Variants in IGF1R observed in about 807,000 individuals in gnomAD.
IGF1R encodes insulin-like growth factor 1 receptor.
A neutral mutation model predicts 144.6 loss-of-function variants in IGF1R; 44 were observed. That is an observed-to-expected ratio of 0.30 (90% CI 0.24 to 0.39). The LOEUF (loss-of-function observed/expected upper bound fraction) is 0.39. IGF1R is among the 10% of genes least tolerant of loss of function. The probability of loss-of-function intolerance (pLI) is 1.00; values close to 1 mark genes in which losing one functional copy is unlikely to be tolerated. For synonymous variants in IGF1R, 795 were observed against 722.8 expected (o/e 1.10, Z -1.60); for missense variants, 1,355 against 1,833.7 (o/e 0.74, Z 4.77).
chr15:98,741,858 C>T (rs1467282329), intron 2 of IGF1R, among the ~76,000 whole-genome samples: 1 of 152,190 alleles, frequency 6.6e-6, no homozygotes, highest in Non-Finnish European at 1.5e-5. Flanking sequence ...AGTAATAAAA[C>T]TGTAGGCAGT....
At chr15:98,927,977 C>G (rs1383635365) in intron 13 of IGF1R, among the ~76,000 whole-genome samples, 1 of 152,204 alleles carries the variant, frequency 6.6e-6, no homozygotes, top group Non-Finnish European at 1.5e-5. Flanking sequence ...GGCCTCTTCT[C>G]TCCTTTGCTC....
chr15:98,913,384 T>G, intron 8 of IGF1R, 102 bp downstream of exon 8: 1 of 909,590 alleles, frequency 1.1e-6, no homozygotes, highest in Admixed American at 1.7e-5. Flanking sequence ...GAGCTATGCC[T>G]GTTGTCTTTC....
chr15:98,684,297 A>G (rs1244000615), intron 1 of IGF1R, among the ~76,000 whole-genome samples: 3 of 147,078 alleles, frequency 2.0e-5, no homozygotes, highest in Non-Finnish European at 4.5e-5. Context: ...AGCTGGAAAA[A>G]TGTTTTATTG....
At chr15:98,803,210 G>GTA (rs1328932570) in intron 2 of IGF1R, among the ~76,000 whole-genome samples, 2 of 152,280 alleles carry the variant, frequency 1.3e-5, no homozygotes, top group African/African-American at 2.4e-5. Context: ...AGGGTCCATG[G>GTA]TATAGCCTGT....
At chr15:98,923,849 A>T in intron 11 of IGF1R, 27 bp from the exon 12 acceptor site, 1 of 1,611,514 alleles carries the variant, frequency 6.2e-7, no homozygotes, top group Non-Finnish European at 8.5e-7. Flanking sequence ...CCCAAATCCA[A>T]CTTTGTCACC....
chr15:98,799,292 C>G (rs1260260917), intron 2 of IGF1R, among the ~76,000 whole-genome samples: 1 of 151,760 alleles, frequency 6.6e-6, no homozygotes, highest in East Asian at 1.9e-4. Flanking sequence ...TCATAGAAAA[C>G]CCACAGAGAA....
intron 1 of IGF1R, among the ~76,000 whole-genome samples, chr15:98,694,177 A>C (rs1415530529): frequency 6.6e-6 from 1 of 152,152 alleles, no homozygotes; most frequent in African/African-American, 2.4e-5. Context: ...TACATGATGT[A>C]ACATGCTGCT....
At chr15:98,794,508 A>G (rs1021971193) in intron 2 of IGF1R, among the ~76,000 whole-genome samples, 1 of 152,206 alleles carries the variant, frequency 6.6e-6, no homozygotes, top group Non-Finnish European at 1.5e-5. Flanking sequence ...ATGATTCTCC[A>G]GGATGGCCCC....
At chr15:98,719,430 C>T (rs28735814) in intron 2 of IGF1R, among the ~76,000 whole-genome samples, 6,187 of 152,208 alleles carry the variant, frequency 0.041, 430 homozygotes, top group African/African-American at 0.14. Flanking sequence ...AAGAATGCTT[C>T]TTTAGCTCAC....
intron 2 of IGF1R, among the ~76,000 whole-genome samples, chr15:98,818,401 G>A (rs1033648898): frequency 1.3e-5 from 2 of 152,196 alleles, no homozygotes; most frequent in East Asian, 1.9e-4. Flanking sequence ...TTCTACAACA[G>A]TCAGTCTAGC....
intron 1 of IGF1R, among the ~76,000 whole-genome samples, chr15:98,657,262 G>T (rs908228846): frequency 9.2e-5 from 14 of 152,202 alleles, no homozygotes; most frequent in Admixed American, 8.5e-4. Context: ...CAAATTCAAA[G>T]CGTCTTAGTG....
chr15:98,821,951 G>A (rs2056810943), intron 2 of IGF1R, among the ~76,000 whole-genome samples: 1 of 152,090 alleles, frequency 6.6e-6, no homozygotes, highest in African/African-American at 2.4e-5. Context: ...CCTTCCACAG[G>A]TACTTATACC....
At chr15:98,805,471 T>C (rs570867827) in intron 2 of IGF1R, among the ~76,000 whole-genome samples, 1 of 152,202 alleles carries the variant, frequency 6.6e-6, no homozygotes, top group South Asian at 2.1e-4. Flanking sequence ...CTTTCATAAT[T>C]GTCTGTTCCA....
intron 2 of IGF1R, among the ~76,000 whole-genome samples, chr15:98,710,173 TGTTG>T (rs2053959727): frequency 6.6e-6 from 1 of 152,182 alleles, no homozygotes; most frequent in African/African-American, 2.4e-5. Flanking sequence ...TGATATCACC[TGTTG>T]GTTGGTCACC....
In IGF1R at chr15:98,963,660, C is replaced by T. The variant is rs1388168604; in HGVS notation, c.*6218C>T. 3.9e-5 allele frequency: 9 copies of T among 233,136 alleles called. No homozygotes were observed. Among genetic ancestry groups the T allele is most frequent in the East Asian group, 1.2e-4 (2 of 16,602 alleles). The allele number at this position is 233,136 out of a possible 1,614,324, so 14.4% of individuals were successfully genotyped here. A position where few individuals can be genotyped will look rare whatever the true frequency, so the allele number is the denominator to read the frequency against. Reference sequence around the variant, plus strand: ...ACAGCATACACAGTGATCACATAAACGATGACAGCTATGGGGCACACAGGC... The same window carrying T: ...ACAGCATACACAGTGATCACATAAATGATGACAGCTATGGGGCACACAGGC... On this transcript the variant is annotated 3_prime_UTR_variant, in exon 21 of 21. Transcript: ENST00000650285.
intron 2 of IGF1R, among the ~76,000 whole-genome samples, chr15:98,753,700 T>A (rs2055079355): frequency 6.6e-6 from 1 of 152,172 alleles, no homozygotes; most frequent in South Asian, 2.1e-4. Flanking sequence ...GGTGAAGAAT[T>A]CTGTTAGCCA....
chr15:98,935,207 C>T lies in IGF1R; in HGVS notation c.3187-109C>T. On this transcript the variant is annotated intron_variant, in intron 16 of 20. Transcript: ENST00000650285. The surrounding 1 kb of genome is among the most constrained non-coding windows in gnomAD (Gnocchi z 4.2). ...CCATTACCTCACTGCTACCTTCAGA[C>T]CCCTGTGCTCAGACCAGGCCGCAGC... The T allele has an allele frequency of 1.0e-6, 1 of 974,096 alleles. No homozygotes were observed. The highest frequency in any genetic ancestry group is 1.6e-6 in the Non-Finnish European group (1 of 621,054). 60.3% of individuals were successfully genotyped at this position (974,096 alleles called of 1,614,324 possible). A position where few individuals can be genotyped will look rare whatever the true frequency, so the allele number is the denominator to read the frequency against.
At position 98,917,558 on chromosome 15, in the gene IGF1R, A is replaced by G. The variant is rs545156182; in HGVS notation, c.2201+682A>G. 1.3e-4 allele frequency among the ~76,000 whole-genome samples: 20 copies of G among 152,352 alleles called. No individual in the cohort carries two copies. The South Asian group carries it at 3.9e-3, about 30-fold the overall frequency. Reference sequence around the variant, plus strand: ...GTAAACGTTCATAGCAGGACTGTTCATAGTAGCCAAATCTGGAAACCCAGT... The same window carrying G: ...GTAAACGTTCATAGCAGGACTGTTCGTAGTAGCCAAATCTGGAAACCCAGT... On this transcript the variant is annotated intron_variant, in intron 10 of 20. Coordinates refer to ENST00000650285, the MANE Select transcript of IGF1R (RefSeq NM_000875.5).
At chr15:98,811,217 C>T (rs2056582389) in intron 2 of IGF1R, among the ~76,000 whole-genome samples, 1 of 152,034 alleles carries the variant, frequency 6.6e-6, no homozygotes, top group African/African-American at 2.4e-5. Flanking sequence ...AGGAGAATCA[C>T]TTGAACCCAG....
Sources: gnomAD v4.1 joint callset for allele counts (sites outside exome capture counted in the v4.1 genomes callset) on GRCh38, gnomAD v4.1.1 for gene constraint, Gnocchi (gnomAD v3.1) non-coding constraint, MANE v1.5 for transcripts, NCBI Gene and HGNC (gene_info 2026-07-23, HGNC 2026-07-21) for gene names.